PEX14: variants seen among roughly 807,000 people sequenced by gnomAD.
PEX14 encodes the protein peroxisomal membrane protein PEX14.
In PEX14, 15 loss-of-function variants were observed where a neutral mutation model predicts 49.5. The ratio of observed to expected loss-of-function variants is 0.30; its 90% confidence interval spans 0.20 to 0.47. The LOEUF (loss-of-function observed/expected upper bound fraction) is 0.47, where lower values mean the gene tolerates loss of function less well. Ranked by LOEUF, PEX14 falls within the 20% of genes least tolerant of loss-of-function variation. PEX14 has a pLI of 1.00. For missense variants in PEX14, 398 were observed against 494.8 expected, an observed-to-expected ratio of 0.80 and a Z score of 1.86; for synonymous variants, 210 against 212.7, an observed-to-expected ratio of 0.99 and a Z score of 0.11.
chr1:10,557,737 G>A (rs187961557), intron 3 of PEX14, among the ~76,000 whole-genome samples: 92 of 152,264 alleles, frequency 6.0e-4, no homozygotes, highest in Non-Finnish European at 1.1e-3. Context: ...CCGAGCACAA[G>A]TCTCAAACTT....
chr1:10,577,529 CAT>C (rs1312391529), intron 3 of PEX14, among the ~76,000 whole-genome samples: 880 of 42,960 alleles, frequency 0.02, 24 homozygotes, highest in African/African-American at 0.054. Context: ...GGACACTATA[CAT>C]ATATATATAT....
chr1:10,560,059 A>ATTTTTTTTTTTTTTTTTTTTTTTTTTT (rs1475577830), intron 3 of PEX14, among the ~76,000 whole-genome samples: 1 of 145,224 alleles, frequency 6.9e-6, no homozygotes, highest in African/African-American at 2.6e-5. Context: ...TCTTCCATCT[A>ATTTTTTTTTTTTTTTTTTTTTTTTTTT]TTTTTTTTTT....
intron 3 of PEX14, among the ~76,000 whole-genome samples, chr1:10,565,819 G>T (rs967519132): frequency 6.6e-6 from 1 of 151,830 alleles, no homozygotes; most frequent in African/African-American, 2.4e-5. Context: ...TTTGAGACCA[G>T]CCTGGGCGAC....
rs148958417 is a variant in PEX14, at chr1:10,588,332, G to A, written c.170-10906G>A. Among the ~76,000 whole-genome samples, 326 of 152,156 alleles carry A rather than the reference G, an allele frequency of 2.1e-3. 1 individual carries two copies. Among genetic ancestry groups the A allele is most frequent in the African/African-American group, 7.3e-3 (303 of 41,504 alleles). On this transcript the variant is annotated intron_variant, in intron 3 of 8. Transcript: ENST00000356607. ...GCTGGGATTATAGGTGTCCACCACT[G>A]TGCCCAGCTACATGTATGCTTTTTA...
At chr1:10,487,371 T>A (rs1641388292) in intron 1 of PEX14, among the ~76,000 whole-genome samples, 1 of 151,486 alleles carries the variant, frequency 6.6e-6, no homozygotes, top group Admixed American at 6.6e-5. Flanking sequence ...TATATAAGAT[T>A]GCCATTATTT....
At chr1:10,559,480 A>G (rs1639584925) in intron 3 of PEX14, among the ~76,000 whole-genome samples, 1 of 152,214 alleles carries the variant, frequency 6.6e-6, no homozygotes, top group Non-Finnish European at 1.5e-5. Flanking sequence ...GGCATTGGAA[A>G]TAACTCCCAG....
chr1:10,571,245 T>A (rs928561176), intron 3 of PEX14, among the ~76,000 whole-genome samples: 1 of 152,060 alleles, frequency 6.6e-6, no homozygotes, highest in Non-Finnish European at 1.5e-5. Context: ...CATTTTATGT[T>A]CCAGATATTA....
At chr1:10,572,417 A>C (rs568808524) in intron 3 of PEX14, among the ~76,000 whole-genome samples, 11 of 152,382 alleles carry the variant, frequency 7.2e-5, no homozygotes, top group Admixed American at 6.5e-4. Context: ...ATAGAACAAA[A>C]AGGATGCTAC....
rs1430668000 is a variant in PEX14 at position 10,618,352 on chromosome 1, C to T, written c.319C>T (p.Arg107Ter). The change falls in exon 5 of 9, where the codon CGA becomes TGA. Residue 107 changes from arginine (R) to a stop codon, truncating the protein, a stop_gained. Transcript: ENST00000356607. LOFTEE classifies it high-confidence loss of function. ...QPYSPAGSRW[R>*]DYGALAIIMA... is the part of the protein sequence containing the mutation. ...TGTAGGTCCCGCAGGCTCCCGATGG[C>T]GAGATTACGGCGCCCTGGCCATCAT... 6.2e-7 allele frequency: 1 copy of T among 1,613,924 alleles called. No homozygotes were observed. Among genetic ancestry groups the T allele is most frequent in the Non-Finnish European group, 8.5e-7 (1 of 1,179,990 alleles).
intron 3 of PEX14, among the ~76,000 whole-genome samples, chr1:10,565,997 C>T (rs1639793495): frequency 6.6e-6 from 1 of 152,234 alleles, no homozygotes; most frequent in Admixed American, 6.5e-5. Flanking sequence ...TTACATCTCT[C>T]TAGTCCATCT....
chr1:10,528,200 C>A, intron 2 of PEX14: 1 of 336,042 alleles, frequency 3.0e-6, no homozygotes, highest in Non-Finnish European at 4.2e-6. Flanking sequence ...TTTGAGGTTG[C>A]CATTATCCAT....
chr1:10,550,319 T>C (rs1016289651), intron 3 of PEX14, among the ~76,000 whole-genome samples: 5 of 152,118 alleles, frequency 3.3e-5, no homozygotes, highest in African/African-American at 1.2e-4. Flanking sequence ...TGAGTGAAAA[T>C]GAGAGTGACA....
intron 3 of PEX14, among the ~76,000 whole-genome samples, chr1:10,541,732 C>G (rs1388660569): frequency 6.6e-6 from 1 of 152,210 alleles, no homozygotes; most frequent in Non-Finnish European, 1.5e-5. Flanking sequence ...CCCCTGTTAT[C>G]CAAACTTGCC....
At position 10,629,849 on chromosome 1, in the gene PEX14, T is replaced by G. The variant is rs201978719; in HGVS notation, c.996T>G (p.Asp332Glu). 1.2e-6 allele frequency: 2 copies of G among 1,607,550 alleles called. No individual in the cohort carries two copies. Among genetic ancestry groups the G allele is most frequent in the South Asian group, 2.2e-5 (2 of 90,532 alleles). The change falls in exon 9 of 9, where the codon GAT (aspartate) becomes GAG (glutamate). Residue 332 changes from aspartate to glutamate, a missense_variant. By Grantham distance (45) the Asp-to-Glu change is conservative. Transcript: ENST00000356607. The surrounding 1 kb of genome is among the most constrained non-coding windows in gnomAD (Gnocchi z 8.5). ...AGGACGAGGAGGATGAGGAGGATGA[T>G]GATGTGAGCCATGTGGACGAGGAGG... ...DKEDEEDEEDDDVSHVDEEDC... is the reference protein window; with the variant it reads ...DKEDEEDEEDEDVSHVDEEDC...
rs761789278 is a variant in PEX14, at chr1:10,629,784, A to T, written c.931A>T (p.Met311Leu). 1.1e-5 allele frequency: 17 copies of T among 1,581,594 alleles called. No individual in the cohort carries two copies. In the East Asian group the frequency reaches 2.3e-4, roughly 21 times the overall value. The change falls in exon 9 of 9, where the codon ATG (methionine) becomes TTG (leucine). Residue 311 changes from methionine (M) to leucine (L), a missense_variant. Physicochemically the swap from Met to Leu is conservative, Grantham distance 15. Transcript: ENST00000356607. The surrounding 1 kb of genome is among the most constrained non-coding windows in gnomAD (Gnocchi z 8.5). ...GGTGGACGTCAAGGGCCAGGTGCGG[A>T]TGGAGGTGCAAGGCGAGGAGGAGAA... ...GVVDVKGQVR[M>L]EVQGEEEKRE...
At chr1:10,615,692 G>C (rs1376612474) in intron 4 of PEX14, among the ~76,000 whole-genome samples, 1 of 152,252 alleles carries the variant, frequency 6.6e-6, no homozygotes, top group Non-Finnish European at 1.5e-5. Context: ...ACGTGTGCAC[G>C]TTGTTGATGG....
rs1016702903 is a variant in PEX14 at position 10,539,632 on chromosome 1, C to T, written c.169+3335C>T. 6.6e-6 allele frequency among the ~76,000 whole-genome samples: 1 copy of T among 152,152 alleles called. No homozygotes were observed. The highest frequency in any genetic ancestry group is 2.4e-5 in the African/African-American group (1 of 41,418). ...GAAGCAGTTCTTGCCAGGCAGGCATCATATCTGGGGCTTTAAGCAGGCTGC... is the reference window on the plus strand; with the variant it reads ...GAAGCAGTTCTTGCCAGGCAGGCATTATATCTGGGGCTTTAAGCAGGCTGC... On this transcript the variant is annotated intron_variant, in intron 3 of 8. Coordinates refer to ENST00000356607, the MANE Select transcript of PEX14 (RefSeq NM_004565.3). This position sits in a 1 kb window ranked among gnomAD's most constrained non-coding sequence, Gnocchi z 4.6.
chr1:10,501,364 G>A (rs756846356), intron 2 of PEX14, among the ~76,000 whole-genome samples: 21 of 152,106 alleles, frequency 1.4e-4, no homozygotes, highest in Non-Finnish European at 1.9e-4. Flanking sequence ...GAGTGCAGTG[G>A]CACGATCTCG....
At chr1:10,547,337 C>T (rs710130) in intron 3 of PEX14, among the ~76,000 whole-genome samples, 91,729 of 152,068 alleles carry the variant, frequency 0.6, 29,290 homozygotes, top group Non-Finnish European at 0.7. Flanking sequence ...TCCTCTGCCT[C>T]ATTTCCACTT....
Sources: allele counts gnomAD v4.1 joint callset (sites outside exome capture counted in the v4.1 genomes callset), GRCh38; gene constraint gnomAD v4.1.1; non-coding constraint Gnocchi (gnomAD v3.1); transcripts MANE v1.5; gene names NCBI Gene and HGNC (gene_info 2026-07-23, HGNC 2026-07-21).